Variants in BABAM2 observed in about 807,000 individuals in gnomAD.
BABAM2 encodes BRISC and BRCA1-A complex member 2.
BABAM2 carries 31 observed loss-of-function variants against 54.7 expected under a neutral mutation model. The ratio of observed to expected loss-of-function variants is 0.57; its 90% CI spans 0.43 to 0.77. BABAM2 has a LOEUF of 0.77. Among genes scored for constraint, BABAM2 ranks in the 30% least tolerant of loss-of-function variants. The probability of loss-of-function intolerance (pLI) is 0.00; values close to 1 mark genes in which losing one functional copy is unlikely to be tolerated. For synonymous variants in BABAM2, 167 were observed against 162.9 expected, an observed-to-expected ratio of 1.03 and a Z score of -0.19; for missense variants, 364 against 455.8, an observed-to-expected ratio of 0.80 and a Z score of 1.83.
At chr2:28,037,106 A>G (rs1676722308) in intron 5 of BABAM2, among the ~76,000 whole-genome samples, 2 of 152,148 alleles carry the variant, frequency 1.3e-5, no homozygotes, top group African/African-American at 4.8e-5. Flanking sequence ...AGGTATTCAT[A>G]TTATTCAAAA....
At chr2:27,955,000 G>A (rs1669987817) in intron 3 of BABAM2, among the ~76,000 whole-genome samples, 1 of 152,092 alleles carries the variant, frequency 6.6e-6, no homozygotes, top group Admixed American at 6.6e-5. Flanking sequence ...ACACATGTGA[G>A]GAAACCAGTG....
At chr2:27,890,301 C>A (rs780801527), upstream of BABAM2, 8 of 1,613,922 alleles carry the variant, frequency 5.0e-6, no homozygotes, top group South Asian at 8.8e-5. This position sits in a 1 kb window ranked among gnomAD's most constrained non-coding sequence, Gnocchi z 4.8. Context: ...CCACCGCCGC[C>A]ACCTCCTCTT....
intron 7 of BABAM2, among the ~76,000 whole-genome samples, chr2:28,189,763 T>G (rs1204193888): frequency 6.6e-6 from 1 of 152,178 alleles, no homozygotes; most frequent in Admixed American, 6.5e-5. Context: ...GACTTTTTTT[T>G]TTAGGGATTG....
intron 4 of BABAM2, among the ~76,000 whole-genome samples, chr2:28,009,223 C>T (rs1300100234): frequency 6.6e-6 from 1 of 152,058 alleles, no homozygotes; most frequent in Non-Finnish European, 1.5e-5. Flanking sequence ...CCCAGGCATA[C>T]TTAATCAGTG....
At chr2:27,900,768 G>C (rs1302960146) in intron 2 of BABAM2, among the ~76,000 whole-genome samples, 3 of 152,128 alleles carry the variant, frequency 2.0e-5, no homozygotes, top group Non-Finnish European at 4.4e-5. Flanking sequence ...AGTAGGCCGG[G>C]CGCGGTGGCT....
chr2:28,226,435 A>T (rs1459060769), intron 7 of BABAM2, among the ~76,000 whole-genome samples: 1 of 152,146 alleles, frequency 6.6e-6, no homozygotes, highest in Non-Finnish European at 1.5e-5. Context: ...TAAGTGTCTA[A>T]TATGCTTGGC....
intron 5 of BABAM2, among the ~76,000 whole-genome samples, chr2:28,032,230 G>C (rs945576883): frequency 1.4e-4 from 21 of 152,112 alleles, no homozygotes; most frequent in African/African-American, 4.3e-4. Flanking sequence ...TTTTCTTTCT[G>C]CCACATACAT....
chr2:28,248,060 CAG>C (rs1414579413), intron 10 of BABAM2, among the ~76,000 whole-genome samples: 38 of 152,158 alleles, frequency 2.5e-4, no homozygotes, highest in African/African-American at 8.9e-4. Context: ...TGCTCCCATC[CAG>C]AAACTATTTT....
At chr2:27,974,406 A>G (rs893222838) in intron 3 of BABAM2, among the ~76,000 whole-genome samples, 1 of 152,198 alleles carries the variant, frequency 6.6e-6, no homozygotes, top group Non-Finnish European at 1.5e-5. Context: ...ATAATATATC[A>G]TAATCAAGCA....
At chr2:28,118,058 G>A (rs1668757471) in intron 6 of BABAM2, among the ~76,000 whole-genome samples, 3 of 152,190 alleles carry the variant, frequency 2.0e-5, no homozygotes, top group African/African-American at 7.2e-5. Context: ...TTGGATTAAA[G>A]TCTGGCACAA....
chr2:28,288,085 A>T (rs1372526819), intron 10 of BABAM2, among the ~76,000 whole-genome samples: 1 of 152,138 alleles, frequency 6.6e-6, no homozygotes, highest in Non-Finnish European at 1.5e-5. Flanking sequence ...CACAGGTTGG[A>T]AGCATGCAGA....
chr2:28,112,154 C>T (rs1236121162), intron 6 of BABAM2, among the ~76,000 whole-genome samples: 8,988 of 12,392 alleles, frequency 0.73, 3,482 homozygotes, highest in East Asian at 0.85. Context: ...TCTTTACCTC[C>T]CTCCCTCCCT....
chr2:27,919,993 T>C (rs1352224065), intron 2 of BABAM2, among the ~76,000 whole-genome samples: 1 of 152,208 alleles, frequency 6.6e-6, no homozygotes, highest in East Asian at 1.9e-4. Flanking sequence ...CTTATTTTGG[T>C]GATGGCATTT....
chr2:28,117,091 G>T (rs1450984284), intron 6 of BABAM2, among the ~76,000 whole-genome samples: 1 of 152,190 alleles, frequency 6.6e-6, no homozygotes. Flanking sequence ...TTACTGTGCT[G>T]TTTTAAGTCC....
chr2:27,962,434 A>G lies in BABAM2; in HGVS notation c.206-25559A>G, dbSNP rs563024186. ...TTAATGTGGGAAATATGAGGGAAGG[A>G]AACTTAAAGGTCAAGATAATAAAGT... On this transcript the variant is annotated intron_variant, in intron 3 of 11. Coordinates refer to ENST00000379624, the MANE Select transcript of BABAM2 (RefSeq NM_199191.3). 4.6e-5 allele frequency among the ~76,000 whole-genome samples: 7 copies of G among 152,304 alleles called. No homozygotes were observed. The South Asian group carries it at 1.4e-3, about 32-fold the overall frequency.
At chr2:28,027,040 ACT>A (rs1350261167) in intron 5 of BABAM2, among the ~76,000 whole-genome samples, 2 of 138,762 alleles carry the variant, frequency 1.4e-5, no homozygotes, top group African/African-American at 5.5e-5. Flanking sequence ...AAAAAACAAA[ACT>A]CTGTATGATT....
intron 2 of BABAM2, among the ~76,000 whole-genome samples, chr2:27,903,396 G>A (rs917032578): frequency 1.1e-4 from 17 of 152,028 alleles, no homozygotes; most frequent in South Asian, 6.2e-4. Flanking sequence ...GTTGTATACT[G>A]TTTCATTAGG....
chr2:28,129,221 A>G (rs762078053), intron 6 of BABAM2, 50 bp from the exon 7 acceptor site: 3 of 1,502,566 alleles, frequency 2.0e-6, no homozygotes, highest in Non-Finnish European at 2.8e-6. Flanking sequence ...GACACTAATA[A>G]GATGTTAGGA....
chr2:28,205,956 T>C (rs1321079520), intron 7 of BABAM2, among the ~76,000 whole-genome samples: 1 of 152,194 alleles, frequency 6.6e-6, no homozygotes, highest in Non-Finnish European at 1.5e-5. Flanking sequence ...TTATTCCATT[T>C]GTTTAAATTT....
Sources: allele counts gnomAD v4.1 joint callset (sites outside exome capture counted in the v4.1 genomes callset), GRCh38; gene constraint gnomAD v4.1.1; non-coding constraint Gnocchi (gnomAD v3.1); transcripts MANE v1.5; gene names NCBI Gene and HGNC (gene_info 2026-07-23, HGNC 2026-07-21).